SP140L: variants seen among roughly 807,000 people sequenced by gnomAD.
SP140L encodes nuclear body protein SP140-like protein.
A neutral mutation model predicts 84.3 loss-of-function variants in SP140L; 64 were observed. The observed-to-expected ratio is 0.76, with a 90% confidence interval of 0.62 to 0.94. SP140L has a LOEUF of 0.94. SP140L is among the 40% of genes least tolerant of loss of function. SP140L has a pLI of 0.00. For missense variants in SP140L, 628 were observed against 692.5 expected (o/e 0.91, Z 1.05); for synonymous variants, 242 against 236.9 (o/e 1.02, Z -0.20).
Position 230,352,547 on chromosome 2 carries a change from A to G in SP140L, c.108-5258A>G, listed in dbSNP as rs963639642. On this transcript the variant is annotated intron_variant, in intron 2 of 18. Coordinates refer to ENST00000415673, the MANE Select transcript of SP140L (RefSeq NM_138402.6). ...TGGGGGAATCCACCCGCATGATCCA[A>G]TCACCTCCCACCAGGTCCCTTTCCA... is the stretch of plus-strand genomic sequence containing the variant. Among the ~76,000 whole-genome samples, 4 of 152,148 alleles carry G rather than the reference A, an allele frequency of 2.6e-5. No homozygotes were observed. The South Asian group carries it at 8.3e-4, about 32-fold the overall frequency.
rs1312443351 is a variant in SP140L at position 230,401,905 on chromosome 2, T to C, written c.1644+98T>C. ...TAGTTTCCCTCATCCTGTAATAAGC[T>C]TGCACGAGCAAGGGTTCTGGAAGTG... is the stretch of plus-strand genomic sequence containing the variant. On this transcript the variant is annotated intron_variant, in intron 18 of 18. Coordinates refer to ENST00000415673, the MANE Select transcript of SP140L (RefSeq NM_138402.6). 5.8e-6 allele frequency: 8 copies of C among 1,374,040 alleles called. No individual in the cohort carries two copies. The Admixed American group carries it at 6.2e-5, about 11-fold the overall frequency. The allele number at this position is 1,374,040 out of a possible 1,614,324, so 85.1% of individuals were successfully genotyped here. A position where few individuals can be genotyped will look rare whatever the true frequency, so the allele number is the denominator to read the frequency against.
chr2:230,354,776 A>G (rs1247384942), intron 2 of SP140L, among the ~76,000 whole-genome samples: 2 of 132,582 alleles, frequency 1.5e-5, no homozygotes, highest in Non-Finnish European at 3.2e-5. Flanking sequence ...CCTTCAAAGA[A>G]AGAAGGGGTG....
rs568368187 is a variant in SP140L, at chr2:230,381,354, A to G, written c.638-2156A>G. Among the ~76,000 whole-genome samples, 6 of 152,282 alleles carry G rather than the reference A, an allele frequency of 3.9e-5. No homozygotes were observed. In the South Asian group the frequency reaches 1.2e-3, roughly 32 times the overall value. ...ATAATCTGGAGGCTACATGATCTCT[A>G]GCTTCCAAGGCTGCTTGCTATTCTG... On this transcript the variant is annotated intron_variant, in intron 7 of 18. Transcript: ENST00000415673.
intron 2 of SP140L, among the ~76,000 whole-genome samples, chr2:230,340,897 C>T (rs1415067704): frequency 3.4e-5 from 5 of 148,398 alleles, no homozygotes; most frequent in African/African-American, 7.4e-5. Context: ...GAGGGTAACC[C>T]GAGCTTTCTC....
intron 2 of SP140L, among the ~76,000 whole-genome samples, chr2:230,340,632 G>A (rs1452870075): frequency 1.4e-5 from 2 of 138,820 alleles, no homozygotes; most frequent in African/African-American, 5.4e-5. Flanking sequence ...GCTGGTACCG[G>A]TTGTTCCTTT....
rs1403813613 is a variant in SP140L at position 230,385,372 on chromosome 2, G to T, written c.784+68G>T. 34 of 1,456,922 alleles carry T rather than the reference G, an allele frequency of 2.3e-5. No homozygotes were observed. In the East Asian group the frequency reaches 7.3e-4, roughly 31 times the overall value. The allele number at this position is 1,456,922 out of a possible 1,614,324, so 90.2% of individuals were successfully genotyped here. A position where few individuals can be genotyped will look rare whatever the true frequency, so the allele number is the denominator to read the frequency against. On this transcript the variant is annotated intron_variant, in intron 9 of 18. Coordinates refer to ENST00000415673, the MANE Select transcript of SP140L (RefSeq NM_138402.6). ...AATGCACATGTTGAGGTTTTGAGGA[G>T]CCTAGAAGCTTTATTGTTTACTAGT...
At chr2:230,396,714 A>G (rs747285075) in intron 13 of SP140L, 43 bp from the exon 14 acceptor site, 19 of 1,598,436 alleles carry the variant, frequency 1.2e-5, no homozygotes, top group African/African-American at 2.7e-5. Context: ...GATGGAAACA[A>G]TGCATTCAAT....
chr2:230,336,824 C>G (rs2059895963), intron 2 of SP140L, among the ~76,000 whole-genome samples: 1 of 152,108 alleles, frequency 6.6e-6, no homozygotes, highest in Non-Finnish European at 1.5e-5. Context: ...ACTACATAGA[C>G]TGGTAGAATA....
At position 230,399,367 on chromosome 2, in the gene SP140L, C is replaced by A. The variant is rs188626523; in HGVS notation, c.1198-760C>A. On this transcript the variant is annotated intron_variant, in intron 14 of 18. Transcript: ENST00000415673. ...TTGATTTACCATTCCTTTTATAGAA[C>A]AAAGCACCAGCTCTTTTATGGGCCC... Among the ~76,000 whole-genome samples the A allele has an allele frequency of 7.2e-5, 11 of 152,290 alleles. No individual in the cohort carries two copies. The East Asian group carries it at 1.9e-3, about 27-fold the overall frequency.
chr2:230,347,368 C>A (rs1387077262), intron 2 of SP140L, among the ~76,000 whole-genome samples: 2 of 152,102 alleles, frequency 1.3e-5, no homozygotes, highest in Non-Finnish European at 2.9e-5. Flanking sequence ...AGAGTAGAAC[C>A]ACTGGCTGTG....
chr2:230,383,613 T>G lies in SP140L; in HGVS notation c.703+38T>G, dbSNP rs751838857. The stretch of plus-strand genomic sequence containing the variant: ...AGTGAAGTAGTTACAGCTTTTGAGT[T>G]TATTAAGGCGCTGTCCATTGTATTC... On this transcript the variant is annotated intron_variant, in intron 8 of 18. Transcript: ENST00000415673. The G allele has an allele frequency of 3.8e-6, 6 of 1,570,242 alleles. No individual in the cohort carries two copies. The East Asian group carries it at 1.2e-4, about 30-fold the overall frequency.
intron 7 of SP140L, 42 bp downstream of exon 7, chr2:230,371,693 T>C: frequency 1.3e-6 from 2 of 1,482,310 alleles, no homozygotes; most frequent in Non-Finnish European, 1.9e-6. Context: ...ATGTTACAAA[T>C]ACATTTTTAA....
At chr2:230,370,724 C>T (rs2149764198) in intron 5 of SP140L, among the ~76,000 whole-genome samples, 184 bp from the exon 6 acceptor site, 1 of 151,802 alleles carries the variant, frequency 6.6e-6, no homozygotes, top group Non-Finnish European at 1.5e-5. Flanking sequence ...AAGGAAGAGT[C>T]AAATATAGGG....
chr2:230,396,854 A>G (rs1311984050), intron 14 of SP140L, 56 bp downstream of exon 14: 15 of 1,601,054 alleles, frequency 9.4e-6, no homozygotes, highest in East Asian at 2.2e-5. Context: ...TTCTCCAGGC[A>G]TATGTTCTGT....
At chr2:230,386,028 T>C in intron 9 of SP140L, among the ~76,000 whole-genome samples, 1 of 152,160 alleles carries the variant, frequency 6.6e-6, no homozygotes. Context: ...CACTAGCTCT[T>C]TCTTCCGTGA....
At chr2:230,374,386 G>T (rs1000753835) in intron 7 of SP140L, among the ~76,000 whole-genome samples, 4 of 152,060 alleles carry the variant, frequency 2.6e-5, no homozygotes, top group Non-Finnish European at 5.9e-5. Flanking sequence ...AAAACTGAGT[G>T]ATAAGGAGTT....
At chr2:230,347,351 C>A (rs2060239167) in intron 2 of SP140L, among the ~76,000 whole-genome samples, 1 of 152,110 alleles carries the variant, frequency 6.6e-6, no homozygotes, top group Non-Finnish European at 1.5e-5. Flanking sequence ...TGTCTGGGTT[C>A]TCTTCCAGAG....
rs959909397 is a variant in SP140L at position 230,364,316 on chromosome 2, GTTC to G, written c.523+2627_523+2629del. Among the ~76,000 whole-genome samples, 4 of 151,830 alleles carry G rather than the reference GTTC, an allele frequency of 2.6e-5. No homozygotes were observed. The East Asian group carries it at 5.8e-4, about 22-fold the overall frequency. Reference sequence around the variant, plus strand: ...AACATGGGGTATCTTTCCATTTTTTGTTCTTCTTCTATTTCTTTAATCAACATT... The same window carrying G: ...AACATGGGGTATCTTTCCATTTTTTGTTCTTCTATTTCTTTAATCAACATT... On this transcript the variant is annotated intron_variant, in intron 5 of 18. Transcript: ENST00000415673.
intron 2 of SP140L, among the ~76,000 whole-genome samples, chr2:230,347,301 T>G (rs190927745): frequency 6.6e-6 from 1 of 152,304 alleles, no homozygotes; most frequent in African/African-American, 2.4e-5. Flanking sequence ...CTGTGATTAA[T>G]CAGGGTTGCA....
Sources: gnomAD v4.1 joint callset for allele counts (sites outside exome capture counted in the v4.1 genomes callset) on GRCh38, gnomAD v4.1.1 for gene constraint, MANE v1.5 for transcripts, NCBI Gene and HGNC (gene_info 2026-07-23, HGNC 2026-07-21) for gene names.